FAM13C: variants seen among roughly 807,000 people sequenced by gnomAD.
FAM13C encodes family with sequence similarity 13 member C.
Under a neutral mutation model 73.2 loss-of-function variants are expected in FAM13C, and 37 were observed. The ratio of observed to expected loss-of-function variants is 0.51; its 90% CI spans 0.39 to 0.67. The LOEUF (loss-of-function observed/expected upper bound fraction) is 0.67. Among genes scored for constraint, FAM13C ranks in the 30% least tolerant of loss-of-function variants. The pLI is 0.00. For missense variants in FAM13C, 589 were observed against 715.6 expected (o/e 0.82, Z 2.02); for synonymous variants, 246 against 260.9 (o/e 0.94, Z 0.55).
intron 6 of FAM13C, among the ~76,000 whole-genome samples, chr10:59,277,193 T>A (rs1197190710): frequency 6.6e-6 from 1 of 152,176 alleles, no homozygotes; most frequent in African/African-American, 2.4e-5. Context: ...ACTAAGCTAT[T>A]AGTTTAATCA....
intron 4 of FAM13C, among the ~76,000 whole-genome samples, chr10:59,319,968 T>C (rs1850006031): frequency 6.6e-6 from 1 of 152,208 alleles, no homozygotes; most frequent in Non-Finnish European, 1.5e-5. Context: ...TAAGACATTT[T>C]CATCCAGGAG....
At chr10:59,345,608 G>A (rs1031066033) in intron 3 of FAM13C, among the ~76,000 whole-genome samples, 2 of 152,140 alleles carry the variant, frequency 1.3e-5, no homozygotes, top group Admixed American at 1.3e-4. Context: ...TTAATTCAAA[G>A]AGGAGGATCA....
Position 59,247,466 on chromosome 10 carries a change from A to T in FAM13C, c.*148T>A. 2.2e-6 allele frequency: 2 copies of T among 927,534 alleles called. No individual in the cohort carries two copies. Among genetic ancestry groups the T allele is most frequent in the Non-Finnish European group, 3.3e-6 (2 of 600,236 alleles). The allele number at this position is 927,534 out of a possible 1,614,324, so 57.5% of individuals were successfully genotyped here. A position where few individuals can be genotyped will look rare whatever the true frequency, so the allele number is the denominator to read the frequency against. On this transcript the variant is annotated 3_prime_UTR_variant, in exon 14 of 14. Transcript: ENST00000618804. Reference sequence around the variant, plus strand: ...AAATCCCTTCTCCTTGTATATAATTAAACTTGCTATTCCTTCTTAAAAACA... The same window carrying T: ...AAATCCCTTCTCCTTGTATATAATTTAACTTGCTATTCCTTCTTAAAAACA...
At chr10:59,349,024 G>A (rs998202960) in intron 3 of FAM13C, among the ~76,000 whole-genome samples, 1 of 152,068 alleles carries the variant, frequency 6.6e-6, no homozygotes, top group African/African-American at 2.4e-5. Context: ...AACATTCCTT[G>A]ACTTCTTTAA....
At chr10:59,250,952 T>A (rs905065078) in intron 13 of FAM13C, among the ~76,000 whole-genome samples, 14 of 152,174 alleles carry the variant, frequency 9.2e-5, no homozygotes, top group Non-Finnish European at 2.1e-4. Context: ...TCAATAACCT[T>A]ATCTCTTGAT....
In FAM13C at chr10:59,252,796, C is replaced by T. The variant is rs780471599; in HGVS notation, c.1532+3G>A. 10 of 1,612,930 alleles carry T rather than the reference C, an allele frequency of 6.2e-6. No homozygotes were observed. The South Asian group carries it at 7.7e-5, about 12-fold the overall frequency. The stretch of plus-strand genomic sequence containing the variant: ...AGACTCCACACTTAGGATTCATACT[C>T]ACATGGTAGCCTCATGTAAATTAGA... On this transcript the variant is annotated splice_donor_region_variant and intron_variant, in intron 12 of 13. Coordinates refer to ENST00000618804, the MANE Select transcript of FAM13C (RefSeq NM_198215.4).
intron 6 of FAM13C, among the ~76,000 whole-genome samples, chr10:59,279,807 G>A (rs1844730110): frequency 6.6e-6 from 1 of 152,292 alleles, no homozygotes; most frequent in Admixed American, 6.5e-5. Flanking sequence ...GCCTTAGTCA[G>A]TTCTGGCTGC....
At chr10:59,314,683 T>A (rs1354150629) in intron 4 of FAM13C, among the ~76,000 whole-genome samples, 1 of 152,136 alleles carries the variant, frequency 6.6e-6, no homozygotes, top group Non-Finnish European at 1.5e-5. Flanking sequence ...CTTTCTCCCC[T>A]TGGACCCCAC....
chr10:59,274,104 G>A (rs926503762), intron 6 of FAM13C, among the ~76,000 whole-genome samples: 1 of 152,102 alleles, frequency 6.6e-6, no homozygotes, highest in African/African-American at 2.4e-5. Context: ...TTCTAATGAG[G>A]TTCAGGCCTT....
rs769274515 is a variant in FAM13C at position 59,262,528 on chromosome 10, G to A, written c.1142C>T (p.Pro381Leu). Residue 381 changes from proline to leucine, a missense_variant, in exon 10 of 14, where the codon CCG becomes CTG. Pro to Leu is a moderately conservative substitution (Grantham distance 98). Coordinates refer to ENST00000618804, the MANE Select transcript of FAM13C (RefSeq NM_198215.4). ...RENGKPEAAGPEPSSSGEETP... is the reference protein window; with the variant it reads ...RENGKPEAAGLEPSSSGEETP... ...CTCTTCTCCAGAGGAGCTTGGCTCC[G>A]GGCCCGCAGCTTCCGGTTTCCCATT... 24 of 1,613,734 alleles carry A rather than the reference G, an allele frequency of 1.5e-5. No individual in the cohort carries two copies. Among genetic ancestry groups the A allele is most frequent in the African/African-American group, 1.5e-4 (11 of 75,008 alleles).
At chr10:59,339,264 C>T (rs1435557449) in intron 3 of FAM13C, among the ~76,000 whole-genome samples, 2 of 152,142 alleles carry the variant, frequency 1.3e-5, no homozygotes, top group Non-Finnish European at 2.9e-5. Flanking sequence ...AGGTCACATT[C>T]TGAGGTTCCA....
chr10:59,307,003 A>T (rs1848332318), intron 4 of FAM13C, among the ~76,000 whole-genome samples: 1 of 152,200 alleles, frequency 6.6e-6, no homozygotes, highest in Non-Finnish European at 1.5e-5. Flanking sequence ...AGTGAAAGAG[A>T]TGCGGTAATC....
chr10:59,348,521 G>T (rs1854605500), intron 3 of FAM13C, among the ~76,000 whole-genome samples: 1 of 152,206 alleles, frequency 6.6e-6, no homozygotes, highest in Non-Finnish European at 1.5e-5. Flanking sequence ...TTAGAATGTT[G>T]ACTTATCCAC....
At position 59,324,607 on chromosome 10, in the gene FAM13C, T is replaced by G. The variant is rs143774761; in HGVS notation, c.325-501A>C. ...CTGAGACATCATGTTTATTTATTTT[T>G]GGGAGCCCATATATATTTTCTAAGT... On this transcript the variant is annotated intron_variant, in intron 3 of 13. Coordinates refer to ENST00000618804, the MANE Select transcript of FAM13C (RefSeq NM_198215.4). Among the ~76,000 whole-genome samples the G allele has an allele frequency of 5.6e-3, 855 of 152,300 alleles. 9 individuals carry two copies. Among genetic ancestry groups the G allele is most frequent in the African/African-American group, 0.019 (805 of 41,564 alleles).
At chr10:59,362,356 A>G (rs1426880025) in intron 1 of FAM13C, 43 bp downstream of exon 1, 1 of 1,606,222 alleles carries the variant, frequency 6.2e-7, no homozygotes, top group Admixed American at 1.7e-5. Context: ...TTGCTTCCAG[A>G]GAAAGGCATG....
chr10:59,266,933 C>T (rs1843136080), intron 8 of FAM13C, among the ~76,000 whole-genome samples: 2 of 152,176 alleles, frequency 1.3e-5, no homozygotes, highest in African/African-American at 2.4e-5. Context: ...GGACCATTTA[C>T]TTCCTTTGTA....
At chr10:59,277,864 C>T (rs988411265) in intron 6 of FAM13C, among the ~76,000 whole-genome samples, 3 of 152,302 alleles carry the variant, frequency 2.0e-5, no homozygotes, top group Middle Eastern at 3.4e-3. Flanking sequence ...GAAAGCCCCA[C>T]TAACACTTCC....
chr10:59,340,974 A>G (rs1233538905), intron 3 of FAM13C, among the ~76,000 whole-genome samples: 1 of 152,120 alleles, frequency 6.6e-6, no homozygotes, highest in East Asian at 1.9e-4. Context: ...TGTCAGTTTC[A>G]GTACAGCTGA....
At chr10:59,331,854 A>C (rs1394632825) in intron 3 of FAM13C, among the ~76,000 whole-genome samples, 1 of 152,214 alleles carries the variant, frequency 6.6e-6, no homozygotes, top group Non-Finnish European at 1.5e-5. Flanking sequence ...CAAATCTCTA[A>C]GTGGGAAAAT....
Sources: allele counts gnomAD v4.1 joint callset (sites outside exome capture counted in the v4.1 genomes callset), GRCh38; gene constraint gnomAD v4.1.1; transcripts MANE v1.5; gene names NCBI Gene and HGNC (gene_info 2026-07-23, HGNC 2026-07-21).